DLG2: variants seen among roughly 807,000 people sequenced by gnomAD.
The protein encoded by DLG2 is discs large MAGUK scaffold protein 2.
DLG2 carries 45 observed loss-of-function variants against 132.5 expected under a neutral mutation model. The ratio of observed to expected loss-of-function variants is 0.34; its 90% CI spans 0.27 to 0.44. DLG2 has a LOEUF of 0.44. DLG2 is among the 20% of genes least tolerant of loss of function. The pLI, the probability that DLG2 is intolerant of heterozygous loss-of-function variation, is 1.00. For missense variants in DLG2, 1,045 were observed against 1,196.9 expected (o/e 0.87, Z 1.87); for synonymous variants, 424 against 419.6 (o/e 1.01, Z -0.13).
chr11:84,564,535 G>A (rs544678823), intron 6 of DLG2, among the ~76,000 whole-genome samples: 3 of 152,030 alleles, frequency 2.0e-5, no homozygotes, highest in Admixed American at 1.3e-4. Flanking sequence ...ATAAAATATC[G>A]CTTGTTTTTA....
intron 17 of DLG2, among the ~76,000 whole-genome samples, chr11:83,807,534 C>T (rs377092096): frequency 5.3e-5 from 8 of 152,030 alleles, no homozygotes; most frequent in Admixed American, 2.0e-4. Context: ...CCACTGCATT[C>T]GTTCAGTTCC....
At chr11:84,963,518 A>T (rs1460544042) in intron 6 of DLG2, among the ~76,000 whole-genome samples, 1 of 152,222 alleles carries the variant, frequency 6.6e-6, no homozygotes, top group Non-Finnish European at 1.5e-5. Flanking sequence ...GAGACAGCCT[A>T]CATTATTATA....
At chr11:84,371,757 A>G (rs1400193383) in intron 7 of DLG2, among the ~76,000 whole-genome samples, 2 of 152,172 alleles carry the variant, frequency 1.3e-5, no homozygotes, top group Non-Finnish European at 2.9e-5. Context: ...AATCTATGAA[A>G]ATTTTCTACT....
intron 4 of DLG2, among the ~76,000 whole-genome samples, chr11:85,279,450 A>T (rs1247236613): frequency 6.6e-6 from 1 of 152,150 alleles, no homozygotes; most frequent in East Asian, 1.9e-4. Flanking sequence ...GCTAATTTCT[A>T]TGCCACTTGC....
At chr11:83,685,647 C>T (rs550380193) in intron 18 of DLG2, among the ~76,000 whole-genome samples, 11 of 152,104 alleles carry the variant, frequency 7.2e-5, no homozygotes, top group South Asian at 2.1e-4. Context: ...GCTAGCCATC[C>T]GGTATCAAGA....
chr11:83,925,776 AT>A (rs1312189497), intron 15 of DLG2, among the ~76,000 whole-genome samples: 4 of 152,162 alleles, frequency 2.6e-5, no homozygotes, highest in African/African-American at 9.7e-5. Context: ...AAAAGGACAA[AT>A]AAATGTATGC....
At chr11:85,529,988 T>A (rs914769252) in intron 3 of DLG2, among the ~76,000 whole-genome samples, 1 of 81,926 alleles carries the variant, frequency 1.2e-5, no homozygotes, top group Non-Finnish European at 2.5e-5. Context: ...AGAGGGTTTG[T>A]TTTTTTTTTT....
At chr11:85,468,959 G>C (rs1276106639) in intron 3 of DLG2, among the ~76,000 whole-genome samples, 1 of 152,236 alleles carries the variant, frequency 6.6e-6, no homozygotes, top group Admixed American at 6.5e-5. Context: ...TTCCCTGCCT[G>C]TCAGATTTCT....
intron 19 of DLG2, among the ~76,000 whole-genome samples, chr11:83,616,489 TAA>T (rs80045536): frequency 1.4e-5 from 2 of 144,860 alleles, no homozygotes; most frequent in Non-Finnish European, 3.0e-5. Context: ...TTTTGTCCAT[TAA>T]AAAAAAATGT....
At chr11:83,556,669 G>C (rs2096526274) in intron 19 of DLG2, among the ~76,000 whole-genome samples, 3 of 152,170 alleles carry the variant, frequency 2.0e-5, no homozygotes, top group African/African-American at 4.8e-5. Context: ...ACTGCACCCA[G>C]CCCGATACCA....
In DLG2 at chr11:83,459,211, A is replaced by G. The variant is rs1455526332; in HGVS notation, c.*607T>C. On this transcript the variant is annotated 3_prime_UTR_variant, in exon 28 of 28. Transcript: ENST00000376104. Reference sequence around the variant, plus strand: ...ATCCCAGGTGGAATCCCCTCCTGTCAGTGAGGTTAGTCCTCCATACACTTG... The same window carrying G: ...ATCCCAGGTGGAATCCCCTCCTGTCGGTGAGGTTAGTCCTCCATACACTTG... The G allele has an allele frequency of 1.3e-5, 2 of 152,652 alleles. No homozygotes were observed. The highest frequency in any genetic ancestry group is 2.4e-5 in the African/African-American group (1 of 41,448). The allele number at this position is 152,652 out of a possible 1,614,324, so 9.5% of individuals were successfully genotyped here. A position where few individuals can be genotyped will look rare whatever the true frequency, so the allele number is the denominator to read the frequency against.
chr11:84,354,551 T>C (rs1258500709), intron 7 of DLG2, among the ~76,000 whole-genome samples: 1 of 152,180 alleles, frequency 6.6e-6, no homozygotes, highest in Non-Finnish European at 1.5e-5. Flanking sequence ...TGAATATTTC[T>C]TATTAAAGTA....
At chr11:84,175,059 G>A (rs986964385) in intron 8 of DLG2, among the ~76,000 whole-genome samples, 2 of 152,118 alleles carry the variant, frequency 1.3e-5, no homozygotes, top group African/African-American at 4.8e-5. Flanking sequence ...ACTTACTGAT[G>A]GAAAGTATGT....
At chr11:85,301,320 C>A (rs2079571474) in intron 3 of DLG2, among the ~76,000 whole-genome samples, 1 of 151,900 alleles carries the variant, frequency 6.6e-6, no homozygotes. Context: ...GTTTTTAGGA[C>A]CTTGAAAGTA....
intron 27 of DLG2, chr11:83,461,567 T>G (rs143335523): frequency 6.5e-6 from 1 of 154,968 alleles, no homozygotes; most frequent in Admixed American, 6.4e-5. Flanking sequence ...GGGACACTGA[T>G]GAAAGCTCAT....
intron 7 of DLG2, among the ~76,000 whole-genome samples, chr11:84,514,735 T>C (rs1013119633): frequency 6.6e-6 from 1 of 151,852 alleles, no homozygotes; most frequent in South Asian, 2.1e-4. Context: ...TTAGAGTGAA[T>C]AAGAATACTG....
chr11:83,506,007 A>T (rs2094679512), intron 21 of DLG2, among the ~76,000 whole-genome samples: 1 of 152,140 alleles, frequency 6.6e-6, no homozygotes, highest in East Asian at 1.9e-4. Flanking sequence ...TTCAGGACCT[A>T]CTTGAGACCA....
intron 17 of DLG2, among the ~76,000 whole-genome samples, chr11:83,810,025 A>T (rs377047538): frequency 1.8e-4 from 28 of 152,298 alleles, no homozygotes; most frequent in African/African-American, 5.5e-4. Context: ...TAAAAAGCAT[A>T]AATCACTCAC....
At chr11:85,624,169 A>G (rs1219509892) in intron 2 of DLG2, among the ~76,000 whole-genome samples, 1 of 152,220 alleles carries the variant, frequency 6.6e-6, no homozygotes, top group Non-Finnish European at 1.5e-5. Flanking sequence ...GTAATGTCAT[A>G]AAGCAAACGA....
Sources: allele counts gnomAD v4.1 joint callset (sites outside exome capture counted in the v4.1 genomes callset), GRCh38; gene constraint gnomAD v4.1.1; transcripts MANE v1.5; gene names NCBI Gene and HGNC (gene_info 2026-07-23, HGNC 2026-07-21).